ABHD12: variants seen among roughly 807,000 people sequenced by gnomAD.
ABHD12 encodes the protein abhydrolase domain containing 12, lysophospholipase, also known as lysophosphatidylserine lipase ABHD12.
ABHD12 carries 43 observed loss-of-function variants against 58.3 expected under a neutral mutation model. That is an observed-to-expected ratio of 0.74 (90% CI 0.58 to 0.95). The LOEUF is 0.95. Ranked by LOEUF, ABHD12 falls within the 40% of genes least tolerant of loss-of-function variation. The probability of loss-of-function intolerance (pLI) is 0.00; values close to 1 mark genes in which losing one functional copy is unlikely to be tolerated. For synonymous variants in ABHD12, 219 were observed against 211.2 expected (o/e 1.04, Z -0.32); for missense variants, 539 against 537.2 (o/e 1.00, Z -0.03).
At chr20:25,340,394 T>C (rs2089439945) in intron 1 of ABHD12, among the ~76,000 whole-genome samples, 1 of 152,258 alleles carries the variant, frequency 6.6e-6, no homozygotes, top group Non-Finnish European at 1.5e-5. Context: ...TTGACTCTCC[T>C]ATCTGCTTCT....
In ABHD12 at chr20:25,323,337, G is replaced by C. The variant is rs567936564; in HGVS notation, c.410C>G (p.Thr137Ser). The change falls in exon 3 of 13, where the codon ACC becomes AGC. Residue 137 changes from threonine (T) to serine (S), a missense_variant. By Grantham distance (58) the Thr-to-Ser change is moderately conservative (BLOSUM62 1). Coordinates refer to ENST00000339157, the MANE Select transcript of ABHD12 (RefSeq NM_001042472.3). ...CACTGGCACTCACCAGACTCCAATGGTCACGTCTTCCTCTGGCTGCAGGTA... is the reference window on the plus strand; with the variant it reads ...CACTGGCACTCACCAGACTCCAATGCTCACGTCTTCCTCTGGCTGCAGGTA... ...NYYLQPEEDVTIGVWHTVPAV... is the reference protein window; with the variant it reads ...NYYLQPEEDVSIGVWHTVPAV... 1.2e-5 allele frequency: 20 copies of C among 1,613,204 alleles called. No individual in the cohort carries two copies. Among genetic ancestry groups the C allele is most frequent in the Non-Finnish European group, 1.6e-5 (19 of 1,179,146 alleles).
intron 1 of ABHD12, among the ~76,000 whole-genome samples, chr20:25,375,469 C>T (rs1353273452): frequency 6.6e-6 from 1 of 152,218 alleles, no homozygotes; most frequent in Non-Finnish European, 1.5e-5. Context: ...GGACCCTCTG[C>T]AGACCCCAGG....
At position 25,382,999 on chromosome 20, in the gene ABHD12, GGCCCA is replaced by G. The variant is rs1256091012; in HGVS notation, c.191+7509_191+7513del. Among the ~76,000 whole-genome samples, 901 of 152,272 alleles carry G rather than the reference GGCCCA, an allele frequency of 5.9e-3. 8 individuals carry two copies. The highest frequency in any genetic ancestry group is 0.02 in the African/African-American group (849 of 41,538). On this transcript the variant is annotated intron_variant, in intron 1 of 12. Coordinates refer to ENST00000339157, the MANE Select transcript of ABHD12 (RefSeq NM_001042472.3). ...CAGCCCCATGCCTTGTCACAGTCCT[GGCCCA>G]GACTGTACTGAGGGTGGAGCAAAAG...
rs2146161559 is a variant in ABHD12 at position 25,390,572 on chromosome 20, G to A, written c.132C>T (p.Gly44=). Residue 44 remains glycine (G), a synonymous_variant, in exon 1 of 13, where the codon GGC becomes GGT. Transcript: ENST00000339157. ...CRLKQNLRLT[G]PAAAEPRCAA... ...CGCAGCGCGGCTCAGCCGCCGCCGGGCCCGTCAGGCGTAGGTTCTGCTTCA... is the reference window on the plus strand; with the variant it reads ...CGCAGCGCGGCTCAGCCGCCGCCGGACCCGTCAGGCGTAGGTTCTGCTTCA... The A allele has an allele frequency of 6.8e-7, 1 of 1,471,192 alleles. No individual in the cohort carries two copies. Among genetic ancestry groups the A allele is most frequent in the Non-Finnish European group, 9.0e-7 (1 of 1,117,042 alleles). 91.1% of individuals were successfully genotyped at this position (1,471,192 alleles called of 1,614,324 possible). A position where few individuals can be genotyped will look rare whatever the true frequency, so the allele number is the denominator to read the frequency against.
chr20:25,305,731 T>C (rs1373910252), intron 10 of ABHD12, among the ~76,000 whole-genome samples: 5 of 152,024 alleles, frequency 3.3e-5, no homozygotes, highest in Admixed American at 6.6e-5. Flanking sequence ...ATCAATACAA[T>C]CTGAAAAAGG....
At chr20:25,328,547 G>C (rs1484419247) in intron 2 of ABHD12, among the ~76,000 whole-genome samples, 2 of 152,212 alleles carry the variant, frequency 1.3e-5, no homozygotes, top group Non-Finnish European at 2.9e-5. Flanking sequence ...ACTCAGTTCT[G>C]TGTCTGCAGA....
At chr20:25,324,777 G>A (rs577063458) in intron 2 of ABHD12, among the ~76,000 whole-genome samples, 1 of 152,370 alleles carries the variant, frequency 6.6e-6, no homozygotes, top group South Asian at 2.1e-4. Flanking sequence ...CACCAGGGCT[G>A]CTGTTCATAC....
chr20:25,336,825 C>T (rs770823033), intron 2 of ABHD12, among the ~76,000 whole-genome samples: 26 of 152,232 alleles, frequency 1.7e-4, no homozygotes, highest in Admixed American at 5.2e-4. Context: ...AGATGAGGGT[C>T]GCTCATCATG....
At chr20:25,309,626 C>G (rs376546767) in intron 6 of ABHD12, 51 bp from the exon 7 acceptor site, 1 of 1,611,000 alleles carries the variant, frequency 6.2e-7, no homozygotes, top group Non-Finnish European at 8.5e-7. Flanking sequence ...CTCACAAAAC[C>G]TGGACAAACA....
chr20:25,378,002 C>T (rs1010128159), intron 1 of ABHD12, among the ~76,000 whole-genome samples: 7 of 152,150 alleles, frequency 4.6e-5, no homozygotes, highest in African/African-American at 1.7e-4. Flanking sequence ...GGCCAGGTCC[C>T]ACTTCTTATA....
intron 1 of ABHD12, among the ~76,000 whole-genome samples, chr20:25,353,120 T>G (rs915391369): frequency 6.6e-6 from 1 of 152,260 alleles, no homozygotes; most frequent in African/African-American, 2.4e-5. Context: ...ACAAATAATC[T>G]GTAAATGAAA....
chr20:25,338,949 T>G, intron 2 of ABHD12: 2 of 1,227,478 alleles, frequency 1.6e-6, no homozygotes, highest in East Asian at 4.8e-5. Context: ...AGAAATCCAG[T>G]GCTGGGGAGC....
At chr20:25,365,281 TA>T (rs2089804835) in intron 1 of ABHD12, among the ~76,000 whole-genome samples, 1 of 152,242 alleles carries the variant, frequency 6.6e-6, no homozygotes, top group African/African-American at 2.4e-5. Flanking sequence ...TTTTATTTGC[TA>T]CTTATTTATC....
In ABHD12 at chr20:25,300,528, C is replaced by G; in HGVS notation, c.*317G>C. The G allele has an allele frequency of 5.2e-6, 7 of 1,354,842 alleles. No homozygotes were observed. Among genetic ancestry groups the G allele is most frequent in the Non-Finnish European group, 6.7e-6 (7 of 1,049,902 alleles). The allele number at this position is 1,354,842 out of a possible 1,614,324, so 83.9% of individuals were successfully genotyped here. On this transcript the variant is annotated 3_prime_UTR_variant, in exon 13 of 13. Coordinates refer to ENST00000339157, the MANE Select transcript of ABHD12 (RefSeq NM_001042472.3). ...AGTCCCCTGCCCGGACTCCCCCTGT[C>G]CAGCTCAGTGCAGCATCAAGCAGGC... is the stretch of plus-strand genomic sequence containing the variant.
chr20:25,366,327 G>C lies in ABHD12; in HGVS notation c.191+24186C>G, dbSNP rs188154971. Among the ~76,000 whole-genome samples, 11 of 151,802 alleles carry C rather than the reference G, an allele frequency of 7.2e-5. No individual in the cohort carries two copies. In the East Asian group the frequency reaches 2.1e-3, roughly 29 times the overall value. On this transcript the variant is annotated intron_variant, in intron 1 of 12. Transcript: ENST00000339157. ...TTTCACTCTTGTTGCCCAGGCTGGA[G>C]TGCAATGGTGTGATCTCGGCTTACC... is the stretch of plus-strand genomic sequence containing the variant.
In ABHD12 at chr20:25,339,301, C is replaced by A; in HGVS notation, c.242G>T (p.Gly81Val). Residue 81 changes from glycine (G) to valine (V), a missense_variant, in exon 2 of 13, where the codon GGG becomes GTG. Gly to Val is a moderately radical substitution (Grantham distance 109, BLOSUM62 -3). Transcript: ENST00000339157. The stretch of plus-strand genomic sequence containing the variant: ...GAGAAATGGAATGGCAATGTACAAC[C>A]CCAAAACACAGAAAAGTATCTTCCT... ...RLRKILFCVL[G>V]LYIAIPFLIK... 6.2e-7 allele frequency: 1 copy of A among 1,614,132 alleles called. No individual in the cohort carries two copies. Among genetic ancestry groups the A allele is most frequent in the Non-Finnish European group, 8.5e-7 (1 of 1,180,026 alleles).
At chr20:25,379,122 A>C (rs2500404) in intron 1 of ABHD12, among the ~76,000 whole-genome samples, 93,875 of 151,796 alleles carry the variant, frequency 0.62, 30,565 homozygotes, top group African/African-American at 0.79. Context: ...CAGCCCTGAG[A>C]CCCTCCATGC....
chr20:25,369,978 G>A (rs1282830106), intron 1 of ABHD12, among the ~76,000 whole-genome samples: 1 of 144,844 alleles, frequency 6.9e-6, no homozygotes, highest in African/African-American at 2.5e-5. Flanking sequence ...GTTAACAAAG[G>A]ACACTTTTAG....
In ABHD12 at chr20:25,300,686, G is replaced by A; in HGVS notation, c.*159C>T. 6.5e-7 allele frequency: 1 copy of A among 1,534,068 alleles called. No individual in the cohort carries two copies. On this transcript the variant is annotated 3_prime_UTR_variant, in exon 13 of 13. Coordinates refer to ENST00000339157, the MANE Select transcript of ABHD12 (RefSeq NM_001042472.3). ...GGCCTCCGGGCACTGCAGGCCTGCA[G>A]GGGCCTCCCCGCCTGGGATCTGAGG...
Sources: gnomAD v4.1 joint callset for allele counts (sites outside exome capture counted in the v4.1 genomes callset) on GRCh38, gnomAD v4.1.1 for gene constraint, MANE v1.5 for transcripts, NCBI Gene and HGNC (gene_info 2026-07-23, HGNC 2026-07-21) for gene names.